Variants in ZNF800 observed in about 807,000 individuals in gnomAD.
ZNF800 encodes the protein zinc finger protein 800.
Under a neutral mutation model 59.5 loss-of-function variants are expected in ZNF800, and 13 were observed. That is an observed-to-expected ratio of 0.22 (90% CI 0.14 to 0.35). ZNF800 has a LOEUF of 0.35. ZNF800 is among the 10% of genes least tolerant of loss of function. The probability of loss-of-function intolerance (pLI) is 1.00; values close to 1 mark genes in which losing one functional copy is unlikely to be tolerated. For synonymous variants in ZNF800, 266 were observed against 265.7 expected (o/e 1.00, Z -0.01); for missense variants, 621 against 783.7 (o/e 0.79, Z 2.48).
rs1800819660 is a variant in ZNF800, at chr7:127,377,458, A to T, written c.158-129T>A. 2 of 639,986 alleles carry T rather than the reference A, an allele frequency of 3.1e-6. No individual in the cohort carries two copies. The highest frequency in any genetic ancestry group is 3.7e-5 in the African/African-American group (2 of 54,162). 39.6% of individuals were successfully genotyped at this position (639,986 alleles called of 1,614,324 possible). A position where few individuals can be genotyped will look rare whatever the true frequency, so the allele number is the denominator to read the frequency against. On this transcript the variant is annotated intron_variant, in intron 3 of 5. Transcript: ENST00000265827. The surrounding 1 kb of genome is among the most constrained non-coding windows in gnomAD (Gnocchi z 4.7). Reference sequence around the variant, plus strand: ...TGAAAACAAAATATAGGCATTGCCAATTTCCACCACAGTATATTTAGAACT... The same window carrying T: ...TGAAAACAAAATATAGGCATTGCCATTTTCCACCACAGTATATTTAGAACT...
At position 127,391,608 on chromosome 7, in the gene ZNF800, C is replaced by T. The variant is rs551950627; in HGVS notation, c.-51G>A. Reference sequence around the variant, plus strand: ...TTTCACTGTAAGAAGCTCTTCATTGCGGCGTGGCTGTTGAAAGAAGCACAA... The same window carrying T: ...TTTCACTGTAAGAAGCTCTTCATTGTGGCGTGGCTGTTGAAAGAAGCACAA... On this transcript the variant is annotated 5_prime_UTR_variant, in exon 2 of 6. Transcript: ENST00000265827. The T allele has an allele frequency of 1.9e-6, 3 of 1,560,476 alleles. No individual in the cohort carries two copies. The highest frequency in any genetic ancestry group is 1.4e-5 in the African/African-American group (1 of 73,910).
At position 127,386,090 on chromosome 7, in the gene ZNF800, T is replaced by C; in HGVS notation, c.127A>G (p.Ile43Val). ...QQPLQTSKSG[I>V]QQIIECFRSG... is the part of the protein sequence containing the mutation. Reference sequence around the variant, plus strand: ...CGAAAGCACTCAATTATTTGTTGAATACCAGATTTGGATGTCTGTAGTGGT... The same window carrying C: ...CGAAAGCACTCAATTATTTGTTGAACACCAGATTTGGATGTCTGTAGTGGT... The change falls in exon 3 of 6, where the codon ATT becomes GTT. Residue 43 changes from isoleucine (I) to valine (V), a missense_variant. Transcript: ENST00000265827. 1 of 1,612,092 alleles carries C rather than the reference T, an allele frequency of 6.2e-7. No homozygotes were observed. The highest frequency in any genetic ancestry group is 8.5e-7 in the Non-Finnish European group (1 of 1,178,788).
intron 1 of ZNF800, among the ~76,000 whole-genome samples, chr7:127,355,360 C>A (rs10487478): frequency 0.02 from 3,063 of 152,126 alleles, 120 homozygotes; most frequent in African/African-American, 0.07. Flanking sequence ...TTTCATAATT[C>A]TACATGCTGC....
chr7:127,356,642 C>T (rs1460948124), intron 1 of ZNF800, among the ~76,000 whole-genome samples: 1 of 151,916 alleles, frequency 6.6e-6, no homozygotes, highest in Non-Finnish European at 1.5e-5. Flanking sequence ...TTGTGTGTTA[C>T]AGCAGTGTGC....
intron 3 of ZNF800, among the ~76,000 whole-genome samples, chr7:127,382,147 A>G (rs1800996242): frequency 6.6e-6 from 1 of 152,098 alleles, no homozygotes; most frequent in East Asian, 1.9e-4. Flanking sequence ...TCTTCTTACA[A>G]TATTATATAT....
Position 127,386,042 on chromosome 7 carries a change from A to G in ZNF800, c.157+18T>C. On this transcript the variant is annotated intron_variant, in intron 3 of 5. Transcript: ENST00000265827. ...CTACTATGTGAAGATTGAAAAATAT[A>G]TCCTAAAACATTCATACCTGATCGA... 1 of 1,569,426 alleles carries G rather than the reference A, an allele frequency of 6.4e-7. No individual in the cohort carries two copies. The highest frequency in any genetic ancestry group is 1.7e-5 in the Admixed American group (1 of 58,572).
intron 2 of ZNF800, among the ~76,000 whole-genome samples, chr7:127,388,718 C>CT (rs1311360747): frequency 2.0e-5 from 3 of 152,152 alleles, no homozygotes; most frequent in Non-Finnish European, 4.4e-5. Flanking sequence ...CAGAACACTG[C>CT]TACCACCAGA....
intron 1 of ZNF800, chr7:127,363,743 T>C (rs563706703): frequency 1.3e-5 from 2 of 152,170 alleles, no homozygotes; most frequent in South Asian, 4.2e-4. Context: ...TCTAAAATAC[T>C]GAGTAAGATA....
Position 127,373,469 on chromosome 7 carries a change from A to C in ZNF800, c.1867T>G (p.Cys623Gly), listed in dbSNP as rs1470121203. The change falls in exon 5 of 6, where the codon TGT (cysteine) becomes GGT (glycine). Residue 623 changes from cysteine (C) to glycine (G), a missense_variant. Around this residue, in one of 7 missense-constraint regions of ZNF800, gnomAD observed 94 missense variants for 108.5 expected, o/e 0.87. Coordinates refer to ENST00000265827, the MANE Select transcript of ZNF800 (RefSeq NM_176814.5). ...KNFSLHRCNK[C>G]GKAFAKKTYL... ...GTCTTTTTGGCAAATGCCTTTCCAC[A>C]TTTATTGCATCTGTGAAGAGAAAAG... 2 of 1,614,128 alleles carry C rather than the reference A, an allele frequency of 1.2e-6. No individual in the cohort carries two copies.
intron 1 of ZNF800, chr7:127,351,305 C>T (rs1202324690): frequency 6.6e-6 from 1 of 152,220 alleles, no homozygotes; most frequent in African/African-American, 2.4e-5. Flanking sequence ...AGACCTAGAC[C>T]AAAGCCAGTC....
chr7:127,351,847 T>C (rs890585805), intron 1 of ZNF800, among the ~76,000 whole-genome samples: 1 of 152,194 alleles, frequency 6.6e-6, no homozygotes, highest in African/African-American at 2.4e-5. Context: ...CACAGTTAGA[T>C]GGAAATGGCT....
chr7:127,345,305 CA>C (rs1358621820), downstream of ZNF800, among the ~76,000 whole-genome samples: 1 of 150,822 alleles, frequency 6.6e-6, no homozygotes, highest in Non-Finnish European at 1.5e-5. Flanking sequence ...ACCCCCCCCC[CA>C]AAGGTAAATA....
At chr7:127,349,569 G>A (rs1375744344) in intron 1 of ZNF800, among the ~76,000 whole-genome samples, 2 of 152,082 alleles carry the variant, frequency 1.3e-5, no homozygotes, top group Non-Finnish European at 2.9e-5. Context: ...TTAAACAGAT[G>A]ACATAAGTAA....
chr7:127,380,479 G>A (rs763793721), intron 3 of ZNF800, among the ~76,000 whole-genome samples: 4 of 152,168 alleles, frequency 2.6e-5, no homozygotes, highest in African/African-American at 4.8e-5. Context: ...GTGTGTCTCA[G>A]TCCACAAACA....
exon 2 of ZNF800, chr7:127,347,971 C>T (rs1250008780): frequency 6.7e-6 from 1 of 149,290 alleles, no homozygotes; most frequent in African/African-American, 2.4e-5. Context: ...TGACGGCGCC[C>T]GCGGGCAGGC....
At position 127,374,149 on chromosome 7, in the gene ZNF800, C is replaced by G. The variant is rs375613719; in HGVS notation, c.1187G>C (p.Gly396Ala). ...LSGTNSKREKGPNNTANSSEI... is the reference protein window; with the variant it reads ...LSGTNSKREKAPNNTANSSEI... ...TGAACTGTTGGCAGTATTATTAGGG[C>G]CTTTTTCTCTTTTAGAGTTTGTTCC... Residue 396 changes from glycine to alanine, a missense_variant, in exon 5 of 6, where the codon GGC becomes GCC. Transcript: ENST00000265827. 6.2e-7 allele frequency: 1 copy of G among 1,613,116 alleles called. No individual in the cohort carries two copies. The highest frequency in any genetic ancestry group is 8.5e-7 in the Non-Finnish European group (1 of 1,179,808).
chr7:127,343,107 A>G (rs959870284), downstream of ZNF800, among the ~76,000 whole-genome samples: 10 of 152,102 alleles, frequency 6.6e-5, no homozygotes, highest in Non-Finnish European at 1.5e-4. Flanking sequence ...GCAAAGTTAT[A>G]GTCTTACGTG....
At position 127,386,041 on chromosome 7, in the gene ZNF800, T is replaced by A. The variant is rs373477087; in HGVS notation, c.157+19A>T. On this transcript the variant is annotated intron_variant, in intron 3 of 5. Transcript: ENST00000265827. ...ACTACTATGTGAAGATTGAAAAATA[T>A]ATCCTAAAACATTCATACCTGATCG... is the stretch of plus-strand genomic sequence containing the variant. The A allele has an allele frequency of 1.4e-5, 22 of 1,567,586 alleles. No homozygotes were observed. Among genetic ancestry groups the A allele is most frequent in the Non-Finnish European group, 1.8e-5 (21 of 1,142,924 alleles).
In ZNF800 at chr7:127,371,798, A is replaced by C; in HGVS notation, c.*16T>G. On this transcript the variant is annotated 3_prime_UTR_variant, in exon 6 of 6. Coordinates refer to ENST00000265827, the MANE Select transcript of ZNF800 (RefSeq NM_176814.5). The stretch of plus-strand genomic sequence containing the variant: ...AAAAATGAACTCCAAACCTTTTCGT[A>C]CATCACTTGAAGTTATCTGAGGAGA... 1.3e-6 allele frequency: 1 copy of C among 766,340 alleles called. No individual in the cohort carries two copies. Among genetic ancestry groups the C allele is most frequent in the Non-Finnish European group, 2.4e-6 (1 of 411,820 alleles). The allele number at this position is 766,340 out of a possible 1,614,324, so 47.5% of individuals were successfully genotyped here. A position where few individuals can be genotyped will look rare whatever the true frequency, so the allele number is the denominator to read the frequency against.
Sources: gnomAD v4.1 joint callset for allele counts (sites outside exome capture counted in the v4.1 genomes callset) on GRCh38, gnomAD v4.1.1 for gene constraint, gnomAD v4.1.1 regional missense constraint, Gnocchi (gnomAD v3.1) non-coding constraint, MANE v1.5 for transcripts, NCBI Gene and HGNC (gene_info 2026-07-23, HGNC 2026-07-21) for gene names.